The following PRKACB variants were observed in gnomAD, a reference collection of about 807,000 sequenced individuals.
PRKACB encodes cAMP-dependent protein kinase catalytic subunit beta.
In PRKACB, 16 loss-of-function variants were observed where a neutral mutation model predicts 51.4. That is an observed-to-expected ratio of 0.31 (90% CI 0.21 to 0.47). PRKACB has a LOEUF of 0.47. PRKACB is among the 20% of genes least tolerant of loss of function. The pLI is 1.00. For missense variants in PRKACB, 309 were observed against 464.5 expected, an observed-to-expected ratio of 0.67 and a Z score of 3.08; for synonymous variants, 147 against 154.4, an observed-to-expected ratio of 0.95 and a Z score of 0.35.
At chr1:84,089,191 G>T (rs1648258803) in intron 1 of PRKACB, among the ~76,000 whole-genome samples, 1 of 152,046 alleles carries the variant, frequency 6.6e-6, no homozygotes, top group Non-Finnish European at 1.5e-5. Flanking sequence ...TAGTTAAATG[G>T]ATCAAAAATT....
intron 1 of PRKACB, among the ~76,000 whole-genome samples, chr1:84,130,238 G>A (rs1269727057): frequency 5.5e-5 from 8 of 144,336 alleles, no homozygotes; most frequent in African/African-American, 2.0e-4. Flanking sequence ...TCTCTAATGA[G>A]AGACCCTGTA....
intron 1 of PRKACB, among the ~76,000 whole-genome samples, chr1:84,101,549 C>A (rs778997399): frequency 4.6e-5 from 7 of 152,130 alleles, no homozygotes; most frequent in Non-Finnish European, 1.0e-4. Context: ...TTTTAACTTA[C>A]ATTTATTACT....
intron 5 of PRKACB, among the ~76,000 whole-genome samples, chr1:84,186,121 G>A (rs796349354): frequency 2.6e-5 from 4 of 152,262 alleles, no homozygotes; most frequent in Non-Finnish European, 4.4e-5. Context: ...TCTAAGAGTC[G>A]CAGTAGGTTG....
chr1:84,127,611 G>GTGTC (rs10644958), intron 1 of PRKACB, among the ~76,000 whole-genome samples: 102,357 of 151,526 alleles, frequency 0.68, 35,721 homozygotes, highest in Non-Finnish European at 0.79. Flanking sequence ...TATTTTTACT[G>GTGTC]TGTGAGATAA....
intron 5 of PRKACB, among the ~76,000 whole-genome samples, chr1:84,187,067 C>CA (rs1472914457): frequency 6.6e-6 from 1 of 152,042 alleles, no homozygotes; most frequent in African/African-American, 2.4e-5. Flanking sequence ...GGCCTAAGGG[C>CA]AAAAAACTAA....
chr1:84,222,462 A>T (rs1673885426), intron 9 of PRKACB, among the ~76,000 whole-genome samples: 1 of 152,170 alleles, frequency 6.6e-6, no homozygotes, highest in Admixed American at 6.5e-5. Context: ...ATCATTTAAA[A>T]ATTGTTTTCT....
At chr1:84,153,694 C>T (rs1337452512) in intron 1 of PRKACB, among the ~76,000 whole-genome samples, 1 of 152,110 alleles carries the variant, frequency 6.6e-6, no homozygotes, top group Non-Finnish European at 1.5e-5. Context: ...CCTTATTTCA[C>T]TTAATATAAT....
chr1:84,193,258 T>TC (rs1667307778), intron 5 of PRKACB, among the ~76,000 whole-genome samples: 1 of 152,076 alleles, frequency 6.6e-6, no homozygotes, highest in Non-Finnish European at 1.5e-5. Flanking sequence ...AAGAGGGGAC[T>TC]CCCCAGAAGC....
intron 1 of PRKACB, among the ~76,000 whole-genome samples, chr1:84,113,211 G>A (rs138263911): frequency 0.014 from 2,097 of 152,176 alleles, 19 homozygotes; most frequent in Non-Finnish European, 0.022. Flanking sequence ...CATATGACAA[G>A]CATGTCAAAT....
intron 7 of PRKACB, among the ~76,000 whole-genome samples, chr1:84,200,282 C>T (rs187580176): frequency 3.2e-4 from 49 of 152,168 alleles, no homozygotes; most frequent in African/African-American, 1.1e-3. Flanking sequence ...GCATGTATGT[C>T]TTGTTTTAGA....
chr1:84,229,943 C>T (rs1385333047), intron 9 of PRKACB, among the ~76,000 whole-genome samples: 2 of 151,418 alleles, frequency 1.3e-5, no homozygotes, highest in African/African-American at 2.4e-5. Flanking sequence ...TTAATTAGAT[C>T]CCATTTGTCA....
chr1:84,144,220 G>A, upstream of PRKACB: 1 of 1,412,942 alleles, frequency 7.1e-7, no homozygotes, highest in Non-Finnish European at 9.2e-7. Flanking sequence ...ATATTAACAG[G>A]AAACAGAACA....
chr1:84,229,502 G>A (rs1395992354), intron 9 of PRKACB, among the ~76,000 whole-genome samples: 18 of 140,934 alleles, frequency 1.3e-4, no homozygotes, highest in Middle Eastern at 3.6e-3. Context: ...CTGAGGAATC[G>A]CCACACTGAC....
intron 9 of PRKACB, among the ~76,000 whole-genome samples, chr1:84,231,186 G>GT (rs1196834798): frequency 3.9e-5 from 6 of 152,188 alleles, no homozygotes; most frequent in Admixed American, 6.5e-5. Context: ...TAATCATGTG[G>GT]TTTTTTCTTT....
chr1:84,088,467 GA>G (rs1202379843), intron 1 of PRKACB, among the ~76,000 whole-genome samples: 1 of 152,128 alleles, frequency 6.6e-6, no homozygotes, highest in African/African-American at 2.4e-5. Flanking sequence ...TTAAGTAGAT[GA>G]CCATATAGCA....
At chr1:84,233,322 C>T (rs1487212249) in intron 9 of PRKACB, among the ~76,000 whole-genome samples, 1 of 151,130 alleles carries the variant, frequency 6.6e-6, no homozygotes, top group African/African-American at 2.4e-5. Flanking sequence ...GGTAACCTGA[C>T]CTTTCTCTCT....
intron 7 of PRKACB, among the ~76,000 whole-genome samples, chr1:84,198,079 A>C (rs557986516): frequency 6.6e-6 from 1 of 152,214 alleles, no homozygotes; most frequent in Non-Finnish European, 1.5e-5. Flanking sequence ...CATGTTTTGC[A>C]ACCAAAAACA....
intron 9 of PRKACB, among the ~76,000 whole-genome samples, chr1:84,231,762 G>A (rs1675701590): frequency 6.6e-6 from 1 of 152,018 alleles, no homozygotes; most frequent in South Asian, 2.1e-4. Flanking sequence ...GGGATTGGTG[G>A]TGATATCCCC....
intron 8 of PRKACB, among the ~76,000 whole-genome samples, chr1:84,209,517 A>G (rs572499283): frequency 3.9e-5 from 6 of 152,302 alleles, no homozygotes; most frequent in African/African-American, 1.4e-4. Context: ...TAGAATTTAC[A>G]GAATTCAGCC....
Sources: gnomAD v4.1 joint callset for allele counts (sites outside exome capture counted in the v4.1 genomes callset) on GRCh38, gnomAD v4.1.1 for gene constraint, MANE v1.5 for transcripts, NCBI Gene and HGNC (gene_info 2026-07-23, HGNC 2026-07-21) for gene names.